PCDHGA6: variants seen among roughly 807,000 people sequenced by gnomAD.
PCDHGA6 encodes the protein protocadherin gamma-A6.
A neutral mutation model predicts 60.6 loss-of-function variants in PCDHGA6; 41 were observed. The ratio of observed to expected loss-of-function variants is 0.68; its 90% CI spans 0.53 to 0.88. PCDHGA6 has a LOEUF of 0.88. Ranked by LOEUF, PCDHGA6 falls within the 40% of genes least tolerant of loss-of-function variation. The pLI is 0.00. For synonymous variants in PCDHGA6, 594 were observed against 524.4 expected (o/e 1.13, Z -1.81); for missense variants, 1,312 against 1,203.0 (o/e 1.09, Z -1.34).
At chr5:141,433,699 T>C (rs2097645911) in intron 1 of PCDHGA6, among the ~76,000 whole-genome samples, 1 of 152,082 alleles carries the variant, frequency 6.6e-6, no homozygotes, top group Non-Finnish European at 1.5e-5. Flanking sequence ...TAGCCGGGCG[T>C]GGTGGTGCAT....
At chr5:141,409,620 A>C in intron 1 of PCDHGA6, 2 of 1,613,876 alleles carry the variant, frequency 1.2e-6, no homozygotes, top group Non-Finnish European at 1.7e-6. Flanking sequence ...TCCATTGCGC[A>C]AGTGAGCGCC....
chr5:141,423,335 G>T (rs781241820), intron 1 of PCDHGA6: 11 of 1,614,046 alleles, frequency 6.8e-6, no homozygotes, highest in Non-Finnish European at 9.3e-6. Context: ...GCAGTCTCCT[G>T]CATCTTCCTG....
In PCDHGA6 at chr5:141,500,452, G is replaced by A. The variant is rs554196222; in HGVS notation, c.2484-4941G>A. 2.6e-3 allele frequency among the ~76,000 whole-genome samples: 398 copies of A among 151,620 alleles called. 2 individuals carry two copies. The highest frequency in any genetic ancestry group is 0.021 in the South Asian group (99 of 4,798). On this transcript the variant is annotated intron_variant, in intron 2 of 3. Transcript: ENST00000517434. ...TCTCGATCTCCTGACCTCGTGATCC[G>A]CCCGCCTCGGCCTCCCAAAGTGCTG... is the stretch of plus-strand genomic sequence containing the variant.
At chr5:141,450,627 C>G (rs947866993) in intron 1 of PCDHGA6, among the ~76,000 whole-genome samples, 1 of 151,592 alleles carries the variant, frequency 6.6e-6, no homozygotes, top group African/African-American at 2.4e-5. Context: ...GCTGGGATTA[C>G]AGATGCCTGC....
chr5:141,393,300 G>T (rs1357517904), intron 1 of PCDHGA6: 2 of 1,613,882 alleles, frequency 1.2e-6, no homozygotes, highest in Non-Finnish European at 1.7e-6. Context: ...CCCGGATGTG[G>T]GCGTGAACTC....
Position 141,489,623 on chromosome 5 carries a change from A to T in PCDHGA6, c.2425-5184A>T, listed in dbSNP as rs924162827. On this transcript the variant is annotated intron_variant, in intron 1 of 3. Coordinates refer to ENST00000517434, the MANE Select transcript of PCDHGA6 (RefSeq NM_018919.3). This position sits in a 1 kb window ranked among gnomAD's most constrained non-coding sequence, Gnocchi z 4.5. ...GAGGTAGAGATCCTGGATCTCAATG[A>T]CAACTCTCCTAGCTTTGCCACCCCT... is the stretch of plus-strand genomic sequence containing the variant. The T allele has an allele frequency of 6.2e-7, 1 of 1,614,102 alleles. No homozygotes were observed. Among genetic ancestry groups the T allele is most frequent in the Non-Finnish European group, 8.5e-7 (1 of 1,179,996 alleles).
At chr5:141,440,605 C>G (rs1214459401) in intron 1 of PCDHGA6, 1 of 152,228 alleles carries the variant, frequency 6.6e-6, no homozygotes, top group East Asian at 1.9e-4. Context: ...TGCAACAGAA[C>G]CTGCAGAAGA....
intron 1 of PCDHGA6, chr5:141,398,169 G>T (rs2093619628): frequency 5.4e-6 from 8 of 1,477,440 alleles, no homozygotes; most frequent in Admixed American, 2.6e-5. Flanking sequence ...CTGAGAGGCT[G>T]CCAGTGCTCT....
chr5:141,487,889 T>C lies in PCDHGA6; in HGVS notation c.2425-6918T>C, dbSNP rs984668596. On this transcript the variant is annotated intron_variant, in intron 1 of 3. Transcript: ENST00000517434. The surrounding 1 kb of genome is among the most constrained non-coding windows in gnomAD (Gnocchi z 5.0). ...CAAGAGCCAGGCTGTTGTGGAAGCA[T>C]GATGATGGAATGTGGGAGCACAGGA... 6.7e-6 allele frequency: 5 copies of C among 747,180 alleles called. No homozygotes were observed. The highest frequency in any genetic ancestry group is 1.1e-5 in the Non-Finnish European group (5 of 464,054). The allele number at this position is 747,180 out of a possible 1,614,324, so 46.3% of individuals were successfully genotyped here. A position where few individuals can be genotyped will look rare whatever the true frequency, so the allele number is the denominator to read the frequency against.
chr5:141,424,203 GC>G (rs777832241), intron 1 of PCDHGA6: 3 of 175,740 alleles, frequency 1.7e-5, no homozygotes, highest in Non-Finnish European at 3.6e-5. Flanking sequence ...ATACACGTAA[GC>G]TTTTCTCTGA....
At chr5:141,448,331 A>T (rs2098582637) in intron 1 of PCDHGA6, among the ~76,000 whole-genome samples, 1 of 152,146 alleles carries the variant, frequency 6.6e-6, no homozygotes, top group Non-Finnish European at 1.5e-5. Flanking sequence ...GAATCTTTAT[A>T]GCCATGTACC....
Position 141,421,718 on chromosome 5 carries a change from G to A in PCDHGA6, c.2424+45211G>A, listed in dbSNP as rs778263773. On this transcript the variant is annotated intron_variant, in intron 1 of 3. Transcript: ENST00000517434. ...CCTAATGCTAGGGATCCAGATGTGGGCGTGAACTCCCTCCAGAGCTACCAG... is the reference window on the plus strand; with the variant it reads ...CCTAATGCTAGGGATCCAGATGTGGACGTGAACTCCCTCCAGAGCTACCAG... 3.1e-6 allele frequency: 5 copies of A among 1,613,848 alleles called. No homozygotes were observed. The highest frequency in any genetic ancestry group is 2.7e-5 in the African/African-American group (2 of 74,938).
At chr5:141,445,268 C>A (rs2098461653) in intron 1 of PCDHGA6, among the ~76,000 whole-genome samples, 1 of 152,170 alleles carries the variant, frequency 6.6e-6, no homozygotes, top group Non-Finnish European at 1.5e-5. Flanking sequence ...TAAGTCGAAA[C>A]CACTCTGCAT....
intron 1 of PCDHGA6, chr5:141,379,281 T>G (rs1775489510): frequency 2.6e-5 from 4 of 152,252 alleles, no homozygotes; most frequent in Admixed American, 2.6e-4. Context: ...ATTTATTTAT[T>G]TCAAGTTTCC....
chr5:141,453,364 G>A (rs921978865), intron 1 of PCDHGA6, among the ~76,000 whole-genome samples: 4 of 151,814 alleles, frequency 2.6e-5, no homozygotes, highest in African/African-American at 9.7e-5. Flanking sequence ...GAACTCCTGG[G>A]GTCAAGTGAT....
chr5:141,460,834 A>G (rs757757290), intron 1 of PCDHGA6, among the ~76,000 whole-genome samples: 11 of 151,874 alleles, frequency 7.2e-5, no homozygotes, highest in Non-Finnish European at 1.3e-4. Context: ...CACTTAAAGT[A>G]ATGGCCTCCA....
At chr5:141,462,540 TTTC>T (rs2099042260) in intron 1 of PCDHGA6, among the ~76,000 whole-genome samples, 1 of 152,204 alleles carries the variant, frequency 6.6e-6, no homozygotes, top group East Asian at 1.9e-4. Flanking sequence ...TCAGTGATCT[TTTC>T]TTCTTCAGTG....
In PCDHGA6 at chr5:141,374,095, G is replaced by C. The variant is rs774100259; in HGVS notation, c.12G>C (p.Pro4=). The part of the protein sequence containing the change: MAP[P]QRHPQRSEQV... ...CTAATAAGCCAGTAATGGCGCCTCC[G>C]CAGAGGCATCCGCAGCGCAGCGAGC... The change falls in exon 1 of 4, where the codon CCG becomes CCC. Residue 4 remains proline (P), a synonymous_variant. Coordinates refer to ENST00000517434, the MANE Select transcript of PCDHGA6 (RefSeq NM_018919.3). 6.4e-7 allele frequency: 1 copy of C among 1,556,900 alleles called. No individual in the cohort carries two copies.
chr5:141,503,077 TCTC>T (rs1212079220), intron 2 of PCDHGA6, among the ~76,000 whole-genome samples: 1 of 151,810 alleles, frequency 6.6e-6, no homozygotes, highest in African/African-American at 2.4e-5. Flanking sequence ...ATGGTCTCGA[TCTC>T]CTGACCTCGT....
Sources: gnomAD v4.1 joint callset for allele counts (sites outside exome capture counted in the v4.1 genomes callset) on GRCh38, gnomAD v4.1.1 for gene constraint, Gnocchi (gnomAD v3.1) non-coding constraint, MANE v1.5 for transcripts, NCBI Gene and HGNC (gene_info 2026-07-23, HGNC 2026-07-21) for gene names.